The following ADRA1B variants were observed in gnomAD, a reference collection of about 807,000 sequenced individuals.
ADRA1B encodes alpha-1B adrenergic receptor.
ADRA1B carries 17 observed loss-of-function variants against 17.9 expected under a neutral mutation model. That is an observed-to-expected ratio of 0.95 (90% CI 0.65 to 1.42). The LOEUF is 1.42. Among genes scored for constraint, ADRA1B ranks in the 40% most tolerant of loss-of-function variants. ADRA1B has a pLI of 0.00. For missense variants in ADRA1B, 681 were observed against 722.1 expected (o/e 0.94, Z 0.65); for synonymous variants, 366 against 327.6 (o/e 1.12, Z -1.27).
At chr5:159,880,329 C>T (rs1043125946) in intron 1 of ADRA1B, among the ~76,000 whole-genome samples, 4 of 152,194 alleles carry the variant, frequency 2.6e-5, no homozygotes, top group Admixed American at 2.0e-4. Context: ...TTTCTTCTTC[C>T]CCACACCAGG....
chr5:159,910,088 T>C (rs1754213308), intron 1 of ADRA1B, among the ~76,000 whole-genome samples: 1 of 152,200 alleles, frequency 6.6e-6, no homozygotes, highest in South Asian at 2.1e-4. Flanking sequence ...ATATATATCC[T>C]ACATACATAC....
rs1040778366 is a variant in ADRA1B at position 159,917,151 on chromosome 5, C to T, written c.246C>T (p.Tyr82=). ...CNRHLRTPTN[Y]FIVNLAMADL... ...GGCACCTGCGGACGCCCACCAACTA[C>T]TTCATTGTCAACCTGGCCATGGCCG... Residue 82 remains tyrosine, a synonymous_variant, in exon 1 of 2, where the codon TAC becomes TAT. Coordinates refer to ENST00000306675, the MANE Select transcript of ADRA1B (RefSeq NM_000679.4). 2 of 1,614,186 alleles carry T rather than the reference C, an allele frequency of 1.2e-6. No homozygotes were observed. The highest frequency in any genetic ancestry group is 1.7e-6 in the Non-Finnish European group (2 of 1,180,042).
intron 1 of ADRA1B, among the ~76,000 whole-genome samples, chr5:159,908,312 A>T (rs553822205): frequency 2.0e-5 from 3 of 152,306 alleles, no homozygotes; most frequent in African/African-American, 7.2e-5. Flanking sequence ...TAACGGTATC[A>T]ACCACGCTAT....
intron 1 of ADRA1B, among the ~76,000 whole-genome samples, chr5:159,889,239 G>A (rs1753957246): frequency 6.6e-6 from 1 of 152,098 alleles, no homozygotes; most frequent in Non-Finnish European, 1.5e-5. Flanking sequence ...AATAAACAGG[G>A]AAGTAGCCGC....
chr5:159,917,442 G>A lies in ADRA1B; in HGVS notation c.537G>A (p.Gly179=), dbSNP rs1754352275. 7 of 1,614,168 alleles carry A rather than the reference G, an allele frequency of 4.3e-6. No homozygotes were observed. The highest frequency in any genetic ancestry group is 2.7e-5 in the African/African-American group (2 of 75,034). The change falls in exon 1 of 2, where the codon GGG becomes GGA. Residue 179 remains glycine, a synonymous_variant. Transcript: ENST00000306675. ...TCTTGTCCACCGTCATCTCCATCGG[G>A]CCTCTCCTTGGGTGGAAGGAGCCGG... ...VWVLSTVISI[G]PLLGWKEPAP... is the part of the protein sequence containing the mutation.
chr5:159,913,184 A>G (rs116376416), upstream of ADRA1B, among the ~76,000 whole-genome samples: 786 of 152,332 alleles, frequency 5.2e-3, 4 homozygotes, highest in South Asian at 0.016. Flanking sequence ...AATAAGATGG[A>G]TAATGAAAAG....
At position 159,917,752 on chromosome 5, in the gene ADRA1B, C is replaced by CT; in HGVS notation, c.852dup (p.Lys285Ter). 1.2e-6 allele frequency: 2 copies of CT among 1,614,140 alleles called. No homozygotes were observed. Among genetic ancestry groups the CT allele is most frequent in the Non-Finnish European group, 1.7e-6 (2 of 1,180,038 alleles). On this transcript the variant is annotated frameshift_variant, in exon 1 of 2. Coordinates refer to ENST00000306675, the MANE Select transcript of ADRA1B (RefSeq NM_000679.4). LOFTEE classifies it high-confidence loss of function. ...CCCCAGGAGTTCCATAGCTGTCAAA[C>CT]TTTTTAAGTTCTCCAGGGAAAAGAA...
chr5:159,890,536 A>C (rs140229518), intron 1 of ADRA1B, among the ~76,000 whole-genome samples: 18 of 152,310 alleles, frequency 1.2e-4, no homozygotes, highest in African/African-American at 4.3e-4. Flanking sequence ...TCAGTAAGAA[A>C]ATTCAAAGGC....
the ADRA1B span, among the ~76,000 whole-genome samples, chr5:159,986,025 A>G: frequency 6.6e-6 from 1 of 152,218 alleles, no homozygotes; most frequent in Non-Finnish European, 1.5e-5. Flanking sequence ...AGGTGGTGGG[A>G]AGAAAGGAAC....
In ADRA1B at chr5:159,917,781, A is replaced by T. The variant is rs1300416004; in HGVS notation, c.876A>T (p.Ala292=). Residue 292 remains alanine, a synonymous_variant, in exon 1 of 2, where the codon GCA becomes GCT. Transcript: ENST00000306675. ...KLFKFSREKK[A]AKTLGIVVGM... is the part of the protein sequence containing the mutation. ...TTAAGTTCTCCAGGGAAAAGAAAGC[A>T]GCTAAGACGTTGGGCATTGTGGTCG... The T allele has an allele frequency of 6.2e-7, 1 of 1,613,836 alleles. No individual in the cohort carries two copies. The highest frequency in any genetic ancestry group is 2.2e-5 in the East Asian group (1 of 44,898).
Position 159,972,982 on chromosome 5 carries a change from A to G in ADRA1B, c.*490A>G, listed in dbSNP as rs1238197238. Among the ~76,000 whole-genome samples, 1 of 152,212 alleles carries G rather than the reference A, an allele frequency of 6.6e-6. No homozygotes were observed. Among genetic ancestry groups the G allele is most frequent in the Non-Finnish European group, 1.5e-5 (1 of 68,042 alleles). Reference sequence around the variant, plus strand: ...ATGGCACTTTGGTGGGGTTGGAAACAAAGTCGACATTAAAGGTCATTTCTC... The same window carrying G: ...ATGGCACTTTGGTGGGGTTGGAAACGAAGTCGACATTAAAGGTCATTTCTC... On this transcript the variant is annotated 3_prime_UTR_variant, in exon 2 of 2. Coordinates refer to ENST00000306675, the MANE Select transcript of ADRA1B (RefSeq NM_000679.4).
chr5:159,946,959 G>A (rs1755290386), intron 1 of ADRA1B, among the ~76,000 whole-genome samples: 1 of 152,170 alleles, frequency 6.6e-6, no homozygotes. Flanking sequence ...GATGTCCCTA[G>A]CAGTGAGCTA....
At chr5:159,944,120 G>T (rs1486935235) in intron 1 of ADRA1B, among the ~76,000 whole-genome samples, 1 of 152,132 alleles carries the variant, frequency 6.6e-6, no homozygotes, top group African/African-American at 2.4e-5. Flanking sequence ...TAAAGTGGCA[G>T]GCCCTGTTTC....
the ADRA1B span, among the ~76,000 whole-genome samples, chr5:159,988,009 T>A: frequency 6.6e-6 from 1 of 152,174 alleles, no homozygotes; most frequent in Non-Finnish European, 1.5e-5. Flanking sequence ...AAAGGGGACT[T>A]TGCAGATCTA....
At chr5:159,964,736 A>T (rs1163217855) in intron 1 of ADRA1B, among the ~76,000 whole-genome samples, 1 of 152,196 alleles carries the variant, frequency 6.6e-6, no homozygotes, top group Non-Finnish European at 1.5e-5. Context: ...CTGGTATTGG[A>T]AAGAGCAGTA....
chr5:159,950,696 G>T, intron 1 of ADRA1B: 1 of 712,168 alleles, frequency 1.4e-6, no homozygotes, highest in Non-Finnish European at 2.6e-6. Flanking sequence ...CCCTTGGGGG[G>T]ACACTCCAAT....
chr5:159,901,078 A>T lies in ADRA1B; in HGVS notation c.-255-15041A>T, dbSNP rs192323670. On this transcript the variant is annotated intron_variant, in intron 1 of 2. Coordinates refer to the ADRA1B transcript ENST00000641205. ...ATTCATTATATTATGTTTTACTATT[A>T]TACATGTTATAGATATTAGACATAT... 1.9e-3 allele frequency among the ~76,000 whole-genome samples: 294 copies of T among 151,794 alleles called. 1 individual carries two copies. Among genetic ancestry groups the T allele is most frequent in the Non-Finnish European group, 3.3e-3 (222 of 67,930 alleles).
At chr5:159,970,126 T>G (rs961091807) in intron 1 of ADRA1B, among the ~76,000 whole-genome samples, 1 of 152,206 alleles carries the variant, frequency 6.6e-6, no homozygotes, top group African/African-American at 2.4e-5. Context: ...AGGGGTGAGT[T>G]AATCATGTTT....
chr5:159,960,019 G>T (rs111572136), intron 1 of ADRA1B, among the ~76,000 whole-genome samples: 4,382 of 152,216 alleles, frequency 0.029, 208 homozygotes, highest in African/African-American at 0.1. Flanking sequence ...TTCCACATTT[G>T]TAAATTGGGA....
Sources: gnomAD v4.1 joint callset for allele counts (sites outside exome capture counted in the v4.1 genomes callset) on GRCh38, gnomAD v4.1.1 for gene constraint, MANE v1.5 for transcripts, NCBI Gene and HGNC (gene_info 2026-07-23, HGNC 2026-07-21) for gene names.